The following FUT8 variants were observed in gnomAD, a reference collection of about 807,000 sequenced individuals.
The protein encoded by FUT8 is fucosyltransferase 8, also known as alpha-(1,6)-fucosyltransferase.
A neutral mutation model predicts 71.3 loss-of-function variants in FUT8; 29 were observed. The observed-to-expected ratio is 0.41, with a 90% CI of 0.30 to 0.55. The LOEUF is 0.55. FUT8 is among the 20% of genes least tolerant of loss of function. FUT8 has a pLI of 0.34. For synonymous variants in FUT8, 254 were observed against 239.3 expected (o/e 1.06, Z -0.57); for missense variants, 544 against 702.1 (o/e 0.77, Z 2.55).
chr14:65,690,923 A>T (rs1270690582), intron 7 of FUT8, among the ~76,000 whole-genome samples: 1 of 151,558 alleles, frequency 6.6e-6, no homozygotes, highest in Non-Finnish European at 1.5e-5. Flanking sequence ...ATGGGGTTTC[A>T]CCATGTTGGC....
chr14:65,410,071 T>C (rs2065106728), upstream of FUT8, among the ~76,000 whole-genome samples: 1 of 152,232 alleles, frequency 6.6e-6, no homozygotes, highest in South Asian at 2.1e-4. Flanking sequence ...TTGACACAGA[T>C]ACTTTCTGAT....
intron 7 of FUT8, among the ~76,000 whole-genome samples, chr14:65,702,435 C>T (rs866928180): frequency 3.3e-5 from 5 of 151,938 alleles, no homozygotes; most frequent in Non-Finnish European, 5.9e-5. Flanking sequence ...AGTATAGTAC[C>T]GCGCATACAG....
In FUT8 at chr14:65,574,653, G is replaced by A. The variant is rs1446813667; in HGVS notation, c.203+12887G>A. 6.6e-6 allele frequency among the ~76,000 whole-genome samples: 1 copy of A among 152,118 alleles called. No homozygotes were observed. Among genetic ancestry groups the A allele is most frequent in the Admixed American group, 6.5e-5 (1 of 15,270 alleles). On this transcript the variant is annotated intron_variant, in intron 3 of 10. Coordinates refer to ENST00000673929, the MANE Select transcript of FUT8 (RefSeq NM_001371533.1). This position sits in a 1 kb window ranked among gnomAD's most constrained non-coding sequence, Gnocchi z 5.2. ...TGAAAAGCTTTAAATGGTGCTTCTT[G>A]TCTGTTTTAAAATGTTCTAGAATTG...
At chr14:65,548,350 C>T (rs1355177820) in intron 2 of FUT8, among the ~76,000 whole-genome samples, 1 of 152,018 alleles carries the variant, frequency 6.6e-6, no homozygotes, top group Non-Finnish European at 1.5e-5. Context: ...TTGGTTTTGT[C>T]TTCCTTCACT....
At chr14:65,691,488 A>G (rs1893587396) in intron 7 of FUT8, among the ~76,000 whole-genome samples, 1 of 144,860 alleles carries the variant, frequency 6.9e-6, no homozygotes, top group Non-Finnish European at 1.5e-5. Context: ...TTATTAAATT[A>G]TTTATCTCCT....
chr14:65,686,480 G>A (rs1196988440), intron 7 of FUT8, among the ~76,000 whole-genome samples: 1 of 152,126 alleles, frequency 6.6e-6, no homozygotes, highest in African/African-American at 2.4e-5. Flanking sequence ...TACTTAGGTA[G>A]GTTAATAGTT....
the FUT8 span, among the ~76,000 whole-genome samples, chr14:65,370,754 C>CA: frequency 2.0e-5 from 3 of 151,854 alleles, no homozygotes; most frequent in African/African-American, 4.8e-5. Flanking sequence ...ATTAAGCTGA[C>CA]AAAAAAACAG....
chr14:65,699,125 T>C (rs1305920215), intron 7 of FUT8, among the ~76,000 whole-genome samples: 1 of 148,972 alleles, frequency 6.7e-6, no homozygotes, highest in Non-Finnish European at 1.5e-5. Flanking sequence ...GTGTATGTCA[T>C]GTAAACACTC....
At chr14:65,394,310 A>T in the FUT8 span, among the ~76,000 whole-genome samples, 1 of 152,164 alleles carries the variant, frequency 6.6e-6, no homozygotes. Context: ...ATTCACTACC[A>T]TGAGAATAGT....
At chr14:65,722,103 A>G in intron 8 of FUT8, 82 bp downstream of exon 8, 2 of 1,512,672 alleles carry the variant, frequency 1.3e-6, no homozygotes, top group Non-Finnish European at 1.8e-6. Context: ...TGAATTTTAC[A>G]ATATGTAGTT....
intron 10 of FUT8, among the ~76,000 whole-genome samples, chr14:65,736,512 C>T (rs1269542306): frequency 6.6e-6 from 1 of 151,712 alleles, no homozygotes; most frequent in Non-Finnish European, 1.5e-5. Context: ...GCCAATGTAC[C>T]ACCTCAACTT....
chr14:65,544,947 T>C (rs1457757354), intron 2 of FUT8, among the ~76,000 whole-genome samples: 1 of 151,796 alleles, frequency 6.6e-6, no homozygotes, highest in Non-Finnish European at 1.5e-5. Flanking sequence ...CTCCCTGTCT[T>C]ACCCTCTTCT....
chr14:65,610,421 C>T (rs558492996), intron 3 of FUT8, among the ~76,000 whole-genome samples: 1 of 148,046 alleles, frequency 6.8e-6, no homozygotes, highest in East Asian at 2.0e-4. Context: ...CAAAGTTTCG[C>T]TCTTGTTGCC....
intron 6 of FUT8, among the ~76,000 whole-genome samples, chr14:65,639,509 G>GACACACACACAC (rs10559310): frequency 6.1e-5 from 9 of 148,130 alleles, no homozygotes; most frequent in Admixed American, 5.4e-4. Context: ...TTCAAATCCA[G>GACACACACACAC]ACACACACAC....
At position 65,629,613 on chromosome 14, in the gene FUT8, A is replaced by C. The variant is rs753221537; in HGVS notation, c.597+7A>C. On this transcript the variant is annotated splice_region_variant and intron_variant, in intron 6 of 10. Coordinates refer to ENST00000673929, the MANE Select transcript of FUT8 (RefSeq NM_001371533.1). ...GAGAATAACATATCTTCAGGTAAGA[A>C]GGTTGGGTTAAGAATAAATTTGAGT... 5 of 1,577,920 alleles carry C rather than the reference A, an allele frequency of 3.2e-6. No homozygotes were observed. The African/African-American group carries it at 6.7e-5, about 21-fold the overall frequency.
At chr14:65,506,616 T>C (rs559034357) in intron 2 of FUT8, among the ~76,000 whole-genome samples, 3 of 152,226 alleles carry the variant, frequency 2.0e-5, no homozygotes, top group Non-Finnish European at 2.9e-5. Context: ...GTACTACTTA[T>C]TGATTTTTTT....
intron 6 of FUT8, among the ~76,000 whole-genome samples, chr14:65,668,299 A>C (rs1892313924): frequency 6.6e-6 from 1 of 152,224 alleles, no homozygotes; most frequent in Non-Finnish European, 1.5e-5. Context: ...GAATGGGAGA[A>C]AATATTTGCA....
At chr14:65,421,070 G>C (rs2065286078) in intron 1 of FUT8, among the ~76,000 whole-genome samples, 1 of 151,960 alleles carries the variant, frequency 6.6e-6, no homozygotes, top group South Asian at 2.1e-4. Context: ...GCATGTGCCT[G>C]TAGTCTCAGC....
At chr14:65,720,790 A>G (rs1036438119) in intron 7 of FUT8, among the ~76,000 whole-genome samples, 5 of 152,012 alleles carry the variant, frequency 3.3e-5, no homozygotes, top group Admixed American at 1.3e-4. Context: ...TCAGGCTCCA[A>G]CCGCTGGGAT....
Sources: gnomAD v4.1 joint callset for allele counts (sites outside exome capture counted in the v4.1 genomes callset) on GRCh38, gnomAD v4.1.1 for gene constraint, Gnocchi (gnomAD v3.1) non-coding constraint, MANE v1.5 for transcripts, NCBI Gene and HGNC (gene_info 2026-07-23, HGNC 2026-07-21) for gene names.